UGGT2: variants seen among roughly 807,000 people sequenced by gnomAD.
UGGT2 encodes the protein UDP-glucose:glycoprotein glucosyltransferase 2.
UGGT2 carries 180 observed loss-of-function variants against 192.1 expected under a neutral mutation model. That is an observed-to-expected ratio of 0.94 (90% CI 0.83 to 1.06). The LOEUF is 1.06. Among genes scored for constraint, UGGT2 ranks in the 50% least tolerant of loss-of-function variants. The pLI, the probability that UGGT2 is intolerant of heterozygous loss-of-function variation, is 0.00. For missense variants in UGGT2, 1,849 were observed against 1,795.7 expected (o/e 1.03, Z -0.54); for synonymous variants, 580 against 591.0 (o/e 0.98, Z 0.27).
At chr13:96,028,698 T>C (rs1166911047) in intron 2 of UGGT2, among the ~76,000 whole-genome samples, 1 of 152,232 alleles carries the variant, frequency 6.6e-6, no homozygotes, top group Non-Finnish European at 1.5e-5. Flanking sequence ...ATGTTCAATA[T>C]TTACAATTTT....
rs754187759 is a variant in UGGT2 at position 95,837,085 on chromosome 13, C to A, written c.4401+1G>T. On this transcript the variant is annotated splice_donor_variant, in intron 37 of 38. Coordinates refer to ENST00000376747, the MANE Select transcript of UGGT2 (RefSeq NM_020121.4). LOFTEE classifies it high-confidence loss of function. ...ATACAAATGAAAACAAAGACACTCA[C>A]CAGATCAATTGTTTTGGCTCTTTGT... 1.9e-6 allele frequency: 3 copies of A among 1,596,720 alleles called. No homozygotes were observed. In the South Asian group the frequency reaches 3.3e-5, roughly 18 times the overall value.
chr13:95,941,945 T>C (rs1398721798), intron 15 of UGGT2, among the ~76,000 whole-genome samples: 1 of 152,136 alleles, frequency 6.6e-6, no homozygotes, highest in Non-Finnish European at 1.5e-5. Context: ...AATTCTAGAG[T>C]TTTATGCGAA....
intron 38 of UGGT2, among the ~76,000 whole-genome samples, chr13:95,816,920 AGTTCAAGACCAGCCTGGC>A (rs1462506983): frequency 6.6e-6 from 1 of 152,166 alleles, no homozygotes; most frequent in African/African-American, 2.4e-5. Flanking sequence ...TGAGGTCAGG[AGTTCAAGACCAGCCTGGC>A]CAACATGGCG....
chr13:95,888,549 T>C (rs1477737614), intron 25 of UGGT2, among the ~76,000 whole-genome samples: 1 of 152,094 alleles, frequency 6.6e-6, no homozygotes, highest in African/African-American at 2.4e-5. Flanking sequence ...GAAACAGATA[T>C]ATGTAATAGA....
intron 29 of UGGT2, among the ~76,000 whole-genome samples, chr13:95,869,230 T>A (rs1272040797): frequency 6.6e-6 from 1 of 152,102 alleles, no homozygotes; most frequent in Non-Finnish European, 1.5e-5. Context: ...TCATTTTTTA[T>A]GGCTGCATAG....
At chr13:95,965,633 C>T (rs1451832808) in intron 12 of UGGT2, among the ~76,000 whole-genome samples, 1 of 144,436 alleles carries the variant, frequency 6.9e-6, no homozygotes, top group African/African-American at 2.5e-5. Context: ...AGGTGATATA[C>T]CTAATGCTAA....
chr13:95,859,703 T>G, intron 32 of UGGT2, 28 bp from the exon 33 acceptor site: 1 of 1,508,310 alleles, frequency 6.6e-7, no homozygotes, highest in Non-Finnish European at 9.1e-7. Context: ...AAACCCAATA[T>G]ACATTAACAG....
intron 5 of UGGT2, among the ~76,000 whole-genome samples, chr13:95,999,880 C>T (rs964257133): frequency 2.0e-5 from 3 of 152,168 alleles, no homozygotes; most frequent in Non-Finnish European, 4.4e-5. Context: ...CAATAAGGGG[C>T]TACAGTTCAC....
intron 33 of UGGT2, 122 bp from the exon 34 acceptor site, chr13:95,856,462 G>T: frequency 1.2e-6 from 1 of 863,522 alleles, no homozygotes; most frequent in Non-Finnish European, 1.8e-6. Context: ...TAGGCAAGAT[G>T]TCTAAATACT....
chr13:95,986,782 C>A (rs1239480495), intron 8 of UGGT2, among the ~76,000 whole-genome samples: 1 of 151,986 alleles, frequency 6.6e-6, no homozygotes, highest in Non-Finnish European at 1.5e-5. Flanking sequence ...GTAAAAAGAG[C>A]TTTAAAGAGC....
At chr13:95,970,774 CA>C (rs567926792) in intron 11 of UGGT2, among the ~76,000 whole-genome samples, 2 of 152,142 alleles carry the variant, frequency 1.3e-5, no homozygotes, top group Non-Finnish European at 2.9e-5. Flanking sequence ...ACAACAACAT[CA>C]ACAATAACCC....
intron 2 of UGGT2, among the ~76,000 whole-genome samples, chr13:96,024,167 T>A (rs1037954881): frequency 6.6e-6 from 1 of 152,222 alleles, no homozygotes; most frequent in Non-Finnish European, 1.5e-5. Context: ...TAAATTCTAC[T>A]GAGATTTAGT....
In UGGT2 at chr13:96,023,162, C is replaced by T. The variant is rs776458741; in HGVS notation, c.373-10G>A. On this transcript the variant is annotated splice_polypyrimidine_tract_variant and intron_variant, in intron 3 of 38. Transcript: ENST00000376747. ...GCTCATCAGCTGCAATCTAAGATTT[C>T]AAAGATTATATTTAGCTACAGCAGT... 3 of 1,561,658 alleles carry T rather than the reference C, an allele frequency of 1.9e-6. No homozygotes were observed. In the South Asian group the frequency reaches 3.8e-5, roughly 20 times the overall value.
intron 17 of UGGT2, among the ~76,000 whole-genome samples, chr13:95,935,366 T>C (rs1329863672): frequency 6.6e-6 from 1 of 152,244 alleles, no homozygotes; most frequent in Non-Finnish European, 1.5e-5. Context: ...CGTTTAGTGC[T>C]AATGAATTCC....
chr13:95,894,220 C>A (rs181247353), intron 24 of UGGT2, among the ~76,000 whole-genome samples: 1 of 152,226 alleles, frequency 6.6e-6, no homozygotes, highest in Admixed American at 6.5e-5. Flanking sequence ...ACTCTTCAGT[C>A]ACTTTACACA....
chr13:95,829,389 T>G (rs1008111830), intron 38 of UGGT2, among the ~76,000 whole-genome samples: 4 of 152,318 alleles, frequency 2.6e-5, no homozygotes, highest in African/African-American at 7.2e-5. Context: ...TGTCCCTGTT[T>G]GCAGATGACA....
At chr13:95,803,881 C>T (rs1269674670) in intron 38 of UGGT2, among the ~76,000 whole-genome samples, 1 of 151,772 alleles carries the variant, frequency 6.6e-6, no homozygotes, top group African/African-American at 2.4e-5. Flanking sequence ...AAAAAAGGGC[C>T]AAGATGAATA....
chr13:96,013,763 T>C (rs1214060224), intron 4 of UGGT2, among the ~76,000 whole-genome samples: 3 of 152,134 alleles, frequency 2.0e-5, no homozygotes, highest in African/African-American at 7.2e-5. Context: ...TTCAGTGAAA[T>C]AAAATTTATA....
At chr13:96,047,411 G>C (rs1030562941) in intron 1 of UGGT2, among the ~76,000 whole-genome samples, 1 of 152,208 alleles carries the variant, frequency 6.6e-6, no homozygotes, top group Non-Finnish European at 1.5e-5. Context: ...TGAGGGTCCT[G>C]ACTGTTAGAA....
Sources: gnomAD v4.1 joint callset for allele counts (sites outside exome capture counted in the v4.1 genomes callset) on GRCh38, gnomAD v4.1.1 for gene constraint, MANE v1.5 for transcripts, NCBI Gene and HGNC (gene_info 2026-07-23, HGNC 2026-07-21) for gene names.